RANBP2: variants seen among roughly 807,000 people sequenced by gnomAD.
RANBP2 encodes E3 SUMO-protein ligase RanBP2.
In RANBP2, 57 loss-of-function variants were observed where a neutral mutation model predicts 303.6. That is an observed-to-expected ratio of 0.19 (90% CI 0.15 to 0.23). RANBP2 has a LOEUF of 0.23. Among genes scored for constraint, RANBP2 ranks in the 10% least tolerant of loss-of-function variants. The pLI is 1.00. For synonymous variants in RANBP2, 1,167 were observed against 1,301.5 expected (o/e 0.90, Z 2.23); for missense variants, 3,138 against 3,780.8 (o/e 0.83, Z 4.46).
the RANBP2 span, among the ~76,000 whole-genome samples, chr2:108,993,671 A>G: frequency 3.9e-5 from 6 of 152,246 alleles, no homozygotes; most frequent in African/African-American, 1.4e-4. Context: ...CAGAGGAAAG[A>G]GCTGGGCTTT....
chr2:109,299,802 C>T, the RANBP2 span, among the ~76,000 whole-genome samples: 4 of 152,066 alleles, frequency 2.6e-5, no homozygotes, highest in South Asian at 2.1e-4. Flanking sequence ...GGTGTGGGCT[C>T]GTTTATTTAT....
At chr2:109,239,678 G>A in the RANBP2 span, among the ~76,000 whole-genome samples, 1 of 152,118 alleles carries the variant, frequency 6.6e-6, no homozygotes, top group African/African-American at 2.4e-5. Context: ...GAGCTTTCTT[G>A]GTGGAGTAAT....
the RANBP2 span, among the ~76,000 whole-genome samples, chr2:109,450,859 G>T: frequency 1.3e-5 from 2 of 152,232 alleles, no homozygotes; most frequent in South Asian, 4.1e-4. Flanking sequence ...TGATTCTGCA[G>T]ATCTTTTGAC....
At chr2:108,912,765 CTGCAAGGAAAATAGAG>C in the RANBP2 span, 1 of 1,588,678 alleles carries the variant, frequency 6.3e-7, no homozygotes, top group South Asian at 1.2e-5. Flanking sequence ...GCTCCCACAC[CTGCAAGGAAAATAGAG>C]TCCCTCAAAT....
the RANBP2 span, among the ~76,000 whole-genome samples, chr2:109,247,998 C>T: frequency 1.3e-5 from 2 of 152,142 alleles, no homozygotes; most frequent in African/African-American, 4.8e-5. Flanking sequence ...TCTCATTAGC[C>T]AAAGGAAGTC....
the RANBP2 span, among the ~76,000 whole-genome samples, chr2:109,192,192 C>A: frequency 3.9e-5 from 6 of 152,184 alleles, no homozygotes; most frequent in Non-Finnish European, 7.3e-5. Flanking sequence ...CTCGTCCACT[C>A]CACAGGCTAC....
chr2:108,867,694 A>G, the RANBP2 span, among the ~76,000 whole-genome samples: 5 of 152,186 alleles, frequency 3.3e-5, no homozygotes, highest in African/African-American at 1.2e-4. Context: ...ACCTAAGTCT[A>G]TTCATACTAT....
chr2:109,196,185 T>A, the RANBP2 span, among the ~76,000 whole-genome samples: 1 of 152,200 alleles, frequency 6.6e-6, no homozygotes, highest in Non-Finnish European at 1.5e-5. Context: ...AGCTGCAGCC[T>A]GGAGGCCTTG....
the RANBP2 span, among the ~76,000 whole-genome samples, chr2:109,282,755 A>G: frequency 1.3e-5 from 2 of 152,184 alleles, no homozygotes; most frequent in African/African-American, 4.8e-5. Context: ...CAGAACGGCC[A>G]AAGGAGAAAG....
the RANBP2 span, among the ~76,000 whole-genome samples, chr2:109,647,719 C>G: frequency 6.6e-6 from 1 of 152,184 alleles, no homozygotes. Context: ...ATCCACCCGC[C>G]TCAGCCTCCC....
chr2:109,239,889 AAGGTGAGG>A, the RANBP2 span, among the ~76,000 whole-genome samples: 1 of 152,226 alleles, frequency 6.6e-6, no homozygotes, highest in African/African-American at 2.4e-5. Context: ...ATGTGTGCTG[AAGGTGAGG>A]AGTCACTCAA....
chr2:108,779,107 A>C (rs1678070200), intron 25 of RANBP2, among the ~76,000 whole-genome samples: 1 of 152,056 alleles, frequency 6.6e-6, no homozygotes, highest in African/African-American at 2.4e-5. Flanking sequence ...GTTCCCATGC[A>C]ACCTGTGGCT....
the RANBP2 span, among the ~76,000 whole-genome samples, chr2:109,669,660 A>G: frequency 6.6e-6 from 1 of 152,196 alleles, no homozygotes; most frequent in Admixed American, 6.5e-5. Flanking sequence ...ATGAGAAAAT[A>G]CATCTAAACC....
chr2:108,876,934 G>A, the RANBP2 span, among the ~76,000 whole-genome samples: 13 of 152,170 alleles, frequency 8.5e-5, 1 homozygote, highest in African/African-American at 2.9e-4. Context: ...ACAGGTCTGG[G>A]TGAAGTAAAG....
the RANBP2 span, among the ~76,000 whole-genome samples, chr2:109,570,547 C>T: frequency 2.0e-5 from 3 of 148,608 alleles, no homozygotes; most frequent in African/African-American, 4.9e-5. Context: ...TTTTCCAAGA[C>T]GGAGTCTAGC....
the RANBP2 span, among the ~76,000 whole-genome samples, chr2:109,549,728 C>T: frequency 6.6e-6 from 1 of 152,090 alleles, no homozygotes; most frequent in African/African-American, 2.4e-5. Context: ...GTACCATACC[C>T]TATGTTTTTT....
Position 108,763,898 on chromosome 2 carries a change from A to T in RANBP2, c.3359A>T (p.Gln1120Leu), listed in dbSNP as rs1351675009. The T allele has an allele frequency of 6.2e-7, 1 of 1,613,964 alleles. No individual in the cohort carries two copies. The highest frequency in any genetic ancestry group is 1.6e-4 in the Middle Eastern group (1 of 6,062). ...SFTENMGSSQ[Q>L]KNSGFRRSDD... is the part of the protein sequence containing the mutation. ...ACAGAAAACATGGGGTCGAGTCAGCAAAAGAATTCTGGTTTTCGGCGAAGT... is the reference window on the plus strand; with the variant it reads ...ACAGAAAACATGGGGTCGAGTCAGCTAAAGAATTCTGGTTTTCGGCGAAGT... Residue 1120 changes from glutamine to leucine, a missense_variant, in exon 20 of 29, where the codon CAA (glutamine) becomes CTA (leucine). Physicochemically the swap from Gln to Leu is moderately radical, Grantham distance 113. Coordinates refer to ENST00000283195, the MANE Select transcript of RANBP2 (RefSeq NM_006267.5).
At chr2:108,779,363 C>T (rs1293083785) in intron 25 of RANBP2, among the ~76,000 whole-genome samples, 3 of 152,030 alleles carry the variant, frequency 2.0e-5, no homozygotes, top group African/African-American at 7.2e-5. Flanking sequence ...TGGGGTTTCG[C>T]CATGTTGGCC....
Position 108,763,425 on chromosome 2 carries a change from T to C in RANBP2, c.2886T>C (p.Phe962=). The change falls in exon 20 of 29, where the codon TTT becomes TTC. Residue 962 remains phenylalanine (F), a synonymous_variant. Coordinates refer to ENST00000283195, the MANE Select transcript of RANBP2 (RefSeq NM_006267.5). ...GILSPRGDDY[F]NYNVQQTSTN... is the part of the protein sequence containing the mutation. ...TATCGCCCAGGGGTGATGATTACTT[T>C]AATTACAATGTTCAACAGACAAGCA... The C allele has an allele frequency of 2.5e-6, 4 of 1,614,054 alleles. No individual in the cohort carries two copies. Among genetic ancestry groups the C allele is most frequent in the Non-Finnish European group, 3.4e-6 (4 of 1,179,964 alleles).
Sources: allele counts gnomAD v4.1 joint callset (sites outside exome capture counted in the v4.1 genomes callset), GRCh38; gene constraint gnomAD v4.1.1; transcripts MANE v1.5; gene names NCBI Gene and HGNC (gene_info 2026-07-23, HGNC 2026-07-21).